VPS35L: variants seen among roughly 807,000 people sequenced by gnomAD.
VPS35L encodes the protein VPS35 endosomal protein-sorting factor-like.
Under a neutral mutation model 133.0 loss-of-function variants are expected in VPS35L, and 83 were observed. The ratio of observed to expected loss-of-function variants is 0.62; its 90% CI spans 0.52 to 0.75. The LOEUF is 0.75. Ranked by LOEUF, VPS35L falls within the 30% of genes least tolerant of loss-of-function variation. The probability of loss-of-function intolerance (pLI) is 0.00; values close to 1 mark genes in which losing one functional copy is unlikely to be tolerated. For missense variants in VPS35L, 1,083 were observed against 1,206.8 expected (o/e 0.90, Z 1.52); for synonymous variants, 423 against 449.9 (o/e 0.94, Z 0.76).
At chr16:19,583,946 A>G (rs935949998) in intron 7 of VPS35L, among the ~76,000 whole-genome samples, 24 of 152,114 alleles carry the variant, frequency 1.6e-4, no homozygotes, top group Admixed American at 1.4e-3. Flanking sequence ...GCTCCCACAT[A>G]TGAGTGAGGA....
chr16:19,617,257 C>T, intron 14 of VPS35L: 1 of 319,456 alleles, frequency 3.1e-6, no homozygotes, highest in Non-Finnish European at 5.8e-6. Context: ...ACTCAGGAGG[C>T]TGAGGTGGGA....
chr16:19,620,268 G>A (rs530626190), intron 14 of VPS35L, among the ~76,000 whole-genome samples: 48 of 152,180 alleles, frequency 3.2e-4, no homozygotes, highest in African/African-American at 1.1e-3. Flanking sequence ...GTTAAATATG[G>A]TTGTGGTTCT....
chr16:19,565,039 G>A lies in VPS35L; in HGVS notation c.117+89G>A. 3 of 1,030,918 alleles carry A rather than the reference G, an allele frequency of 2.9e-6. No homozygotes were observed. In the South Asian group the frequency reaches 4.3e-5, roughly 15 times the overall value. 63.9% of individuals were successfully genotyped at this position (1,030,918 alleles called of 1,614,324 possible). On this transcript the variant is annotated intron_variant, in intron 2 of 30. Coordinates refer to ENST00000417362, the MANE Select transcript of VPS35L (RefSeq NM_020314.7). ...CTGAGTCTTTTCCGTTTTGCCAGTG[G>A]TAGCCACTTTTGCATATTTGATTTT...
At position 19,610,338 on chromosome 16, in the gene VPS35L, C is replaced by G. The variant is rs1178601579; in HGVS notation, c.946C>G (p.Leu316Val). ...FLSKTGISEC[L>V]PRLTCMIRGI... ...CTCTTGCAGGGGAATTTCAGAGTGCCTGCCCCGGTTGACATGCATGATCAG... is the reference window on the plus strand; with the variant it reads ...CTCTTGCAGGGGAATTTCAGAGTGCGTGCCCCGGTTGACATGCATGATCAG... Residue 316 changes from leucine (L) to valine (V), a missense_variant, in exon 12 of 31, where the codon CTG (leucine) becomes GTG (valine). Physicochemically the swap from Leu to Val is conservative, Grantham distance 32 (BLOSUM62 1). Transcript: ENST00000417362. The G allele has an allele frequency of 9.3e-6, 15 of 1,614,108 alleles. No homozygotes were observed. Among genetic ancestry groups the G allele is most frequent in the African/African-American group, 1.3e-5 (1 of 75,040 alleles).
chr16:19,621,189 C>G (rs1973068252), intron 14 of VPS35L, among the ~76,000 whole-genome samples: 1 of 152,012 alleles, frequency 6.6e-6, no homozygotes, highest in African/African-American at 2.4e-5. Context: ...ATAAGAGTAT[C>G]CCATTGTGTA....
intron 14 of VPS35L, among the ~76,000 whole-genome samples, chr16:19,619,937 G>C (rs1597367798): frequency 6.6e-6 from 1 of 152,312 alleles, no homozygotes; most frequent in East Asian, 1.9e-4. Context: ...GTATCCATTA[G>C]AGGCCAAGAC....
At chr16:19,578,200 T>C (rs879887032) in intron 5 of VPS35L, 3 of 443,298 alleles carry the variant, frequency 6.8e-6, no homozygotes, top group East Asian at 1.4e-4. Flanking sequence ...AGCAGACACT[T>C]TGTGACTCTT....
intron 24 of VPS35L, among the ~76,000 whole-genome samples, 181 bp downstream of exon 24, chr16:19,648,063 C>A (rs1185142152): frequency 1.3e-5 from 2 of 152,078 alleles, no homozygotes; most frequent in African/African-American, 4.8e-5. Flanking sequence ...AAGCAATTCT[C>A]CCTGTCTCAG....
At chr16:19,673,315 T>A (rs1858639869) in intron 27 of VPS35L, among the ~76,000 whole-genome samples, 1 of 152,194 alleles carries the variant, frequency 6.6e-6, no homozygotes, top group Admixed American at 6.5e-5. Flanking sequence ...CAGATTTGCA[T>A]CTCCCCTTGA....
At chr16:19,572,653 GAT>G (rs762695701) in intron 3 of VPS35L, among the ~76,000 whole-genome samples, 4 of 152,106 alleles carry the variant, frequency 2.6e-5, no homozygotes, top group Middle Eastern at 3.4e-3. Context: ...AGCATTTTTT[GAT>G]ATGTTTATTG....
chr16:19,563,748 T>A (rs1255936977), intron 1 of VPS35L, among the ~76,000 whole-genome samples: 4 of 152,264 alleles, frequency 2.6e-5, no homozygotes, highest in African/African-American at 9.6e-5. Flanking sequence ...TCTTGCCCTA[T>A]GCAGCTCAAT....
chr16:19,592,054 A>G (rs1972061638), intron 8 of VPS35L, among the ~76,000 whole-genome samples, 180 bp downstream of exon 8: 1 of 152,032 alleles, frequency 6.6e-6, no homozygotes, highest in Non-Finnish European at 1.5e-5. Context: ...GAAACATTCT[A>G]AAATTTCTAA....
intron 24 of VPS35L, among the ~76,000 whole-genome samples, chr16:19,648,586 G>C (rs1358884486): frequency 1.3e-5 from 2 of 152,164 alleles, no homozygotes; most frequent in Non-Finnish European, 2.9e-5. Flanking sequence ...GTTAGGTTCA[G>C]GCTGGATGTG....
chr16:19,636,167 A>G (rs1451771260), intron 19 of VPS35L, among the ~76,000 whole-genome samples: 1 of 152,188 alleles, frequency 6.6e-6, no homozygotes, highest in African/African-American at 2.4e-5. Context: ...CAGCCTGTGC[A>G]ACAGAGAAAG....
At chr16:19,655,649 TC>T (rs754728053) in intron 26 of VPS35L, among the ~76,000 whole-genome samples, 1 of 152,168 alleles carries the variant, frequency 6.6e-6, no homozygotes, top group Non-Finnish European at 1.5e-5. Context: ...CTGGTTCTGT[TC>T]CTTTGTACAC....
chr16:19,572,841 A>C (rs767296325), intron 3 of VPS35L, among the ~76,000 whole-genome samples: 2 of 151,824 alleles, frequency 1.3e-5, no homozygotes, highest in African/African-American at 4.8e-5. Context: ...CACCTGGCTA[A>C]TTTTTGTATT....
At position 19,590,134 on chromosome 16, in the gene VPS35L, G is replaced by GCCCCCCCCCCC. The variant is rs1567404864; in HGVS notation, c.640-1652_640-1651insCCCCCCCCCCC. On this transcript the variant is annotated intron_variant, in intron 7 of 30. Coordinates refer to ENST00000417362, the MANE Select transcript of VPS35L (RefSeq NM_020314.7). ...TATTGTTTTTACAGCTTACATTCCC[G>GCCCCCCCCCCC]CCCCGCCCCCCCCCCCCCCCCCACA... is the stretch of plus-strand genomic sequence containing the variant. Among the ~76,000 whole-genome samples the GCCCCCCCCCCC allele has an allele frequency of 9.7e-5, 2 of 20,660 alleles. 1 individual carries two copies. The highest frequency in any genetic ancestry group is 2.0e-4 in the Non-Finnish European group (2 of 9,836). The allele number at this position is 20,660 out of a possible 152,430, so 13.6% of individuals were successfully genotyped here. A position where few individuals can be genotyped will look rare whatever the true frequency, so the allele number is the denominator to read the frequency against.
intron 11 of VPS35L, among the ~76,000 whole-genome samples, chr16:19,609,434 T>A (rs1972639034): frequency 6.6e-6 from 1 of 152,142 alleles, no homozygotes; most frequent in Admixed American, 6.6e-5. Flanking sequence ...GAGTCACCCC[T>A]GGCACACGGT....
At position 19,610,334 on chromosome 16, in the gene VPS35L, G is replaced by A; in HGVS notation, c.942G>A (p.Glu314=). 1.9e-6 allele frequency: 3 copies of A among 1,614,072 alleles called. No individual in the cohort carries two copies. The highest frequency in any genetic ancestry group is 2.5e-6 in the Non-Finnish European group (3 of 1,179,998). ...TTGTCTCTTGCAGGGGAATTTCAGA[G>A]TGCCTGCCCCGGTTGACATGCATGA... The part of the protein sequence containing the change: ...NKFLSKTGIS[E]CLPRLTCMIR... The change falls in exon 12 of 31, where the codon GAG becomes GAA. Residue 314 remains glutamate, a synonymous_variant. Coordinates refer to ENST00000417362, the MANE Select transcript of VPS35L (RefSeq NM_020314.7).
Sources: allele counts gnomAD v4.1 joint callset (sites outside exome capture counted in the v4.1 genomes callset), GRCh38; gene constraint gnomAD v4.1.1; transcripts MANE v1.5; gene names NCBI Gene and HGNC (gene_info 2026-07-23, HGNC 2026-07-21).